Variants in SPATA17 observed in about 807,000 individuals in gnomAD.
SPATA17 encodes spermatogenesis-associated protein 17.
SPATA17 carries 53 observed loss-of-function variants against 62.2 expected under a neutral mutation model. The observed-to-expected ratio is 0.85, with a 90% CI of 0.68 to 1.07. The LOEUF is 1.07. Ranked by LOEUF, SPATA17 falls within the 50% of genes least tolerant of loss-of-function variation. The pLI is 0.00. For synonymous variants in SPATA17, 146 were observed against 146.8 expected (o/e 0.99, Z 0.04); for missense variants, 466 against 425.5 (o/e 1.10, Z -0.84).
At chr1:217,857,108 C>A (rs1199408907) in intron 9 of SPATA17, among the ~76,000 whole-genome samples, 1 of 152,134 alleles carries the variant, frequency 6.6e-6, no homozygotes, top group Non-Finnish European at 1.5e-5. Context: ...GTGCATAACC[C>A]TTGATTTTCA....
intron 5 of SPATA17, among the ~76,000 whole-genome samples, chr1:217,689,968 A>G (rs948873281): frequency 7.3e-5 from 11 of 151,650 alleles, no homozygotes; most frequent in Non-Finnish European, 1.5e-4. Flanking sequence ...CAATGGCACA[A>G]TCTCCGCTCA....
chr1:217,675,732 G>A (rs1338914270), intron 4 of SPATA17, among the ~76,000 whole-genome samples: 1 of 152,044 alleles, frequency 6.6e-6, no homozygotes, highest in East Asian at 1.9e-4. Context: ...ATTCTCTGAG[G>A]TATAGGTATC....
chr1:217,655,494 G>A (rs1240025049), intron 3 of SPATA17, among the ~76,000 whole-genome samples: 1 of 152,108 alleles, frequency 6.6e-6, no homozygotes, highest in Non-Finnish European at 1.5e-5. Context: ...TAAATGCTAT[G>A]TATACATCTT....
Position 217,774,481 on chromosome 1 carries a change from G to A in SPATA17, c.667G>A (p.Ala223Thr), listed in dbSNP as rs769224894. ...TACTGATTGGCTAGCTTGTACAAGCGCCCGTTCTTTTCCTCGGTCTGAAAT... is the reference window on the plus strand; with the variant it reads ...TACTGATTGGCTAGCTTGTACAAGCACCCGTTCTTTTCCTCGGTCTGAAAT... ...SLTDWLACTS[A>T]RSFPRSEILP... The change falls in exon 7 of 11, where the codon GCC becomes ACC. Residue 223 changes from alanine to threonine, a missense_variant. By Grantham distance (58) the Ala-to-Thr change is moderately conservative (BLOSUM62 0). Transcript: ENST00000366933. 28 of 1,613,856 alleles carry A rather than the reference G, an allele frequency of 1.7e-5. No homozygotes were observed. The highest frequency in any genetic ancestry group is 1.3e-4 in the Admixed American group (8 of 59,982).
At chr1:217,639,090 T>C (rs552907203) in intron 1 of SPATA17, among the ~76,000 whole-genome samples, 1 of 152,236 alleles carries the variant, frequency 6.6e-6, no homozygotes, top group East Asian at 1.9e-4. Context: ...GAGTATGGCT[T>C]AGAATAGAAA....
intron 6 of SPATA17, among the ~76,000 whole-genome samples, chr1:217,743,389 G>A (rs1213521618): frequency 6.6e-6 from 1 of 151,746 alleles, no homozygotes; most frequent in Non-Finnish European, 1.5e-5. Context: ...TTTAACTTTA[G>A]TTATTAGTAA....
chr1:217,739,066 C>G (rs1227351163), intron 5 of SPATA17, among the ~76,000 whole-genome samples: 1 of 152,090 alleles, frequency 6.6e-6, no homozygotes, highest in Non-Finnish European at 1.5e-5. Context: ...ACTTTATTAT[C>G]CCTATGAATA....
intron 9 of SPATA17, among the ~76,000 whole-genome samples, chr1:217,812,137 T>C (rs1446204515): frequency 6.6e-6 from 1 of 152,178 alleles, no homozygotes; most frequent in African/African-American, 2.4e-5. Context: ...AGATTGTCTA[T>C]GTAGAAATCT....
intron 7 of SPATA17, among the ~76,000 whole-genome samples, chr1:217,775,425 C>T (rs1673561626): frequency 6.6e-6 from 1 of 152,100 alleles, no homozygotes; most frequent in Non-Finnish European, 1.5e-5. Flanking sequence ...AAATACAGGG[C>T]TGGGCACAGT....
At chr1:217,745,093 C>T (rs190521617) in intron 6 of SPATA17, among the ~76,000 whole-genome samples, 8 of 152,260 alleles carry the variant, frequency 5.3e-5, no homozygotes, top group African/African-American at 1.9e-4. Flanking sequence ...TTAGAAATTT[C>T]TATACTGGTG....
At chr1:217,771,010 C>CTTTTTTT (rs1673431947) in intron 6 of SPATA17, among the ~76,000 whole-genome samples, 2 of 8,318 alleles carry the variant, frequency 2.4e-4, no homozygotes, top group African/African-American at 3.8e-4. Context: ...TTTTTTTTTG[C>CTTTTTTT]CTTTTGACGA....
intron 6 of SPATA17, among the ~76,000 whole-genome samples, chr1:217,748,186 C>T (rs560443028): frequency 4.6e-5 from 7 of 151,512 alleles, no homozygotes; most frequent in Non-Finnish European, 1.0e-4. Context: ...GCCTGTAGTC[C>T]CAGCTACTCG....
chr1:217,642,737 A>G (rs970359649), intron 1 of SPATA17, among the ~76,000 whole-genome samples: 2 of 152,274 alleles, frequency 1.3e-5, no homozygotes, highest in East Asian at 3.9e-4. Context: ...GCCGCCATGT[A>G]AGACATGTGT....
intron 9 of SPATA17, among the ~76,000 whole-genome samples, chr1:217,847,214 G>A (rs1486213717): frequency 6.6e-6 from 1 of 151,776 alleles, no homozygotes; most frequent in African/African-American, 2.4e-5. Flanking sequence ...CTAAATTTTT[G>A]TATGTATTAA....
intron 8 of SPATA17, among the ~76,000 whole-genome samples, chr1:217,794,729 T>TA (rs1230906229): frequency 6.6e-6 from 1 of 152,232 alleles, no homozygotes; most frequent in African/African-American, 2.4e-5. Context: ...TCGTTTATGT[T>TA]ACCTGCCTGG....
rs539540983 is a variant in SPATA17, at chr1:217,646,589, A to G, written c.69-2293A>G. 2.8e-4 allele frequency among the ~76,000 whole-genome samples: 43 copies of G among 152,104 alleles called. 1 individual carries two copies. Among genetic ancestry groups the G allele is most frequent in the African/African-American group, 8.7e-4 (36 of 41,496 alleles). On this transcript the variant is annotated intron_variant, in intron 1 of 10. Coordinates refer to ENST00000366933, the MANE Select transcript of SPATA17 (RefSeq NM_138796.4). ...TCTTACTCTCTTCCCCTTTAGAAGCAGTGATGGTTAAAAACCCAGCCTCTG... is the reference window on the plus strand; with the variant it reads ...TCTTACTCTCTTCCCCTTTAGAAGCGGTGATGGTTAAAAACCCAGCCTCTG...
chr1:217,726,983 T>C (rs61450454), intron 5 of SPATA17, among the ~76,000 whole-genome samples: 7,308 of 151,944 alleles, frequency 0.048, 579 homozygotes, highest in African/African-American at 0.16. Context: ...AGCGGTGGCT[T>C]ACGCCTGTAA....
chr1:217,743,832 C>T (rs2102949500), intron 6 of SPATA17, among the ~76,000 whole-genome samples: 1 of 152,226 alleles, frequency 6.6e-6, no homozygotes, highest in South Asian at 2.1e-4. Flanking sequence ...TGGTCTTGAT[C>T]TCCTGACCTC....
At chr1:217,710,769 C>A (rs1671840710) in intron 5 of SPATA17, among the ~76,000 whole-genome samples, 1 of 152,064 alleles carries the variant, frequency 6.6e-6, no homozygotes, top group African/African-American at 2.4e-5. Flanking sequence ...TCACCACAAT[C>A]AATTTAAAAC....
Sources: allele counts gnomAD v4.1 joint callset (sites outside exome capture counted in the v4.1 genomes callset), GRCh38; gene constraint gnomAD v4.1.1; transcripts MANE v1.5; gene names NCBI Gene and HGNC (gene_info 2026-07-23, HGNC 2026-07-21).